Variants in CNTN1 observed in about 807,000 individuals in gnomAD.
The protein encoded by CNTN1 is contactin 1, also known as contactin-1.
In CNTN1, 38 loss-of-function variants were observed where a neutral mutation model predicts 126.4. The ratio of observed to expected loss-of-function variants is 0.30; its 90% CI spans 0.23 to 0.39. CNTN1 has a LOEUF of 0.39. Ranked by LOEUF, CNTN1 falls within the 10% of genes least tolerant of loss-of-function variation. The probability of loss-of-function intolerance (pLI) is 1.00; values close to 1 mark genes in which losing one functional copy is unlikely to be tolerated. For synonymous variants in CNTN1, 413 were observed against 422.6 expected (o/e 0.98, Z 0.28); for missense variants, 1,009 against 1,248.4 (o/e 0.81, Z 2.89).
At chr12:40,830,047 C>A (rs1043627139) in intron 1 of CNTN1, among the ~76,000 whole-genome samples, 1 of 152,124 alleles carries the variant, frequency 6.6e-6, no homozygotes, top group African/African-American at 2.4e-5. Flanking sequence ...AATGGCCTAA[C>A]AAGGGGAGAG....
intron 1 of CNTN1, among the ~76,000 whole-genome samples, chr12:40,835,190 CT>C (rs1323834308): frequency 1.5e-4 from 23 of 152,290 alleles, no homozygotes; most frequent in African/African-American, 5.3e-4. Flanking sequence ...GTCATTTGGT[CT>C]CTCTTCTGCC....
intron 1 of CNTN1, among the ~76,000 whole-genome samples, chr12:40,760,197 A>G (rs1194443480): frequency 1.3e-5 from 2 of 151,912 alleles, no homozygotes; most frequent in African/African-American, 4.8e-5. Flanking sequence ...TTTTGTTTTG[A>G]TTTTGAATAT....
At chr12:40,831,141 A>G (rs983810107) in intron 1 of CNTN1, among the ~76,000 whole-genome samples, 1 of 143,078 alleles carries the variant, frequency 7.0e-6, no homozygotes, top group African/African-American at 2.7e-5. Context: ...TCTATAGTAT[A>G]TATACTATAA....
intron 17 of CNTN1, among the ~76,000 whole-genome samples, chr12:41,002,326 G>T (rs927416025): frequency 6.6e-6 from 1 of 152,056 alleles, no homozygotes; most frequent in Non-Finnish European, 1.5e-5. Flanking sequence ...GCAGTGGTTT[G>T]TAGTTCTCCT....
intron 1 of CNTN1, among the ~76,000 whole-genome samples, chr12:40,840,968 T>C (rs111231582): frequency 1.4e-4 from 21 of 150,480 alleles, no homozygotes; most frequent in African/African-American, 4.9e-4. Flanking sequence ...CAGAACTAAA[T>C]GAAATAGAGA....
chr12:40,947,406 G>A (rs1167549698), intron 14 of CNTN1, among the ~76,000 whole-genome samples: 6 of 151,966 alleles, frequency 3.9e-5, no homozygotes, highest in Admixed American at 3.9e-4. Flanking sequence ...GATCATAAAT[G>A]TTTCAAGTCC....
At chr12:40,778,782 C>T (rs1939685908) in intron 1 of CNTN1, among the ~76,000 whole-genome samples, 2 of 151,726 alleles carry the variant, frequency 1.3e-5, no homozygotes, top group South Asian at 2.1e-4. Flanking sequence ...AATTGGCTCT[C>T]AACGACTGAT....
chr12:40,894,190 A>T (rs1944328579), intron 1 of CNTN1, among the ~76,000 whole-genome samples: 1 of 152,090 alleles, frequency 6.6e-6, no homozygotes, highest in African/African-American at 2.4e-5. Context: ...AAACAAATAA[A>T]ATTACCTATA....
chr12:40,937,482 T>C, intron 10 of CNTN1, 88 bp from the exon 11 acceptor site: 1 of 869,938 alleles, frequency 1.1e-6, no homozygotes, highest in South Asian at 1.3e-5. Flanking sequence ...ATAATGTATC[T>C]AAATGAAAAG....
chr12:40,782,929 T>A (rs1284168627), intron 1 of CNTN1, among the ~76,000 whole-genome samples: 1 of 151,606 alleles, frequency 6.6e-6, no homozygotes, highest in African/African-American at 2.4e-5. Context: ...GCCAGAGACA[T>A]AAAGGAAATA....
chr12:41,038,395 T>C (rs1039373976), intron 23 of CNTN1, among the ~76,000 whole-genome samples: 1 of 152,044 alleles, frequency 6.6e-6, no homozygotes, highest in African/African-American at 2.4e-5. Context: ...GTTGGTGTCT[T>C]CTAAGGTCCC....
chr12:41,047,801 C>A (rs280375), intron 23 of CNTN1, among the ~76,000 whole-genome samples: 5 of 151,912 alleles, frequency 3.3e-5, no homozygotes, highest in African/African-American at 1.2e-4. Context: ...TATTGATGTT[C>A]TTCCCACGGT....
intron 1 of CNTN1, among the ~76,000 whole-genome samples, chr12:40,846,304 T>C (rs1401409683): frequency 1.3e-5 from 2 of 152,040 alleles, no homozygotes; most frequent in Non-Finnish European, 2.9e-5. Context: ...CCGTCTCTAC[T>C]AAAAATACAA....
intron 1 of CNTN1, among the ~76,000 whole-genome samples, chr12:40,853,685 T>C (rs1168016956): frequency 6.6e-6 from 1 of 151,946 alleles, no homozygotes; most frequent in Admixed American, 6.6e-5. Context: ...CCCTATAGAC[T>C]GTAGTCTATT....
intron 5 of CNTN1, among the ~76,000 whole-genome samples, chr12:40,923,511 G>A (rs1183286996): frequency 5.9e-5 from 9 of 152,058 alleles, no homozygotes; most frequent in Admixed American, 3.9e-4. Context: ...TTAACCATAA[G>A]GAAAGAATTA....
intron 1 of CNTN1, among the ~76,000 whole-genome samples, chr12:40,870,474 G>C (rs1306959099): frequency 6.6e-6 from 1 of 152,052 alleles, no homozygotes; most frequent in Non-Finnish European, 1.5e-5. Context: ...TAGCCATAAT[G>C]TTTATTTCAA....
At chr12:41,009,158 G>A (rs912213600) in intron 17 of CNTN1, among the ~76,000 whole-genome samples, 33 of 152,206 alleles carry the variant, frequency 2.2e-4, no homozygotes, top group African/African-American at 7.0e-4. Flanking sequence ...ACCACAACTT[G>A]TTCACAGTCA....
intron 17 of CNTN1, among the ~76,000 whole-genome samples, chr12:41,001,446 G>T (rs1224196047): frequency 6.6e-6 from 1 of 151,864 alleles, no homozygotes; most frequent in Non-Finnish European, 1.5e-5. Context: ...TTTTTAATGG[G>T]GTTGTTTTTT....
At chr12:40,876,871 A>T (rs1261744245) in intron 1 of CNTN1, among the ~76,000 whole-genome samples, 1 of 152,114 alleles carries the variant, frequency 6.6e-6, no homozygotes. Context: ...ATTTTAATGA[A>T]TTCAATACAT....
Sources: gnomAD v4.1 joint callset for allele counts (sites outside exome capture counted in the v4.1 genomes callset) on GRCh38, gnomAD v4.1.1 for gene constraint, MANE v1.5 for transcripts, NCBI Gene and HGNC (gene_info 2026-07-23, HGNC 2026-07-21) for gene names.